NXT2: variants seen among roughly 807,000 people sequenced by gnomAD.
NXT2 encodes the protein nuclear transport factor 2 like export factor 2.
Under a neutral mutation model 9.6 loss-of-function variants are expected in NXT2, and 1 was observed. The ratio of observed to expected loss-of-function variants is 0.10; its 90% confidence interval spans 0.04 to 0.49. NXT2 has a LOEUF of 0.49. NXT2 is among the 20% of genes least tolerant of loss of function. The probability of loss-of-function intolerance (pLI) is 0.95; values close to 1 mark genes in which losing one functional copy is unlikely to be tolerated. For missense variants in NXT2, 48 were observed against 100.3 expected, an observed-to-expected ratio of 0.48 and a Z score of 2.23; for synonymous variants, 22 against 35.4, an observed-to-expected ratio of 0.62 and a Z score of 1.34.
At chrX:109,539,353 T>C (rs1332494118) in intron 2 of NXT2, among the ~76,000 whole-genome samples, 1 of 112,276 alleles carries the variant, frequency 8.9e-6, no homozygotes, top group Non-Finnish European at 1.9e-5. Context: ...TGTGTCTTTA[T>C]AGTAGAATCA....
At chrX:109,537,132 C>A in intron 1 of NXT2, 111 bp downstream of exon 1, 1 of 1,104,751 alleles carries the variant, frequency 9.1e-7, no homozygotes, top group Non-Finnish European at 1.2e-6. Context: ...CGAATCACGT[C>A]CCGGCTCTCT....
chrX:109,536,198 A>ATTAT (rs761340733), upstream of NXT2, among the ~76,000 whole-genome samples: 1,895 of 110,097 alleles, frequency 0.017, 56 homozygotes, highest in African/African-American at 0.058. Context: ...CAGCATTGTT[A>ATTAT]TAATAAGTGA....
At position 109,543,894 on chromosome X, in the gene NXT2, T is replaced by G. The variant is rs1312916922; in HGVS notation, c.*1206T>G. The G allele has an allele frequency of 3.6e-5, 4 of 112,473 alleles. No homozygotes were observed. Among genetic ancestry groups the G allele is most frequent in the Non-Finnish European group, 7.5e-5 (4 of 53,129 alleles). 9.3% of individuals were successfully genotyped at this position (112,473 alleles called of 1,213,427 possible). On this transcript the variant is annotated 3_prime_UTR_variant, in exon 4 of 4. Transcript: ENST00000372106. ...CAGTGCTTTGTACTGTCAACTGCAT[T>G]ATCTTTAATTATTTAAAGGTAGAAT...
chrX:109,540,312 C>CT (rs1277553349), intron 2 of NXT2, among the ~76,000 whole-genome samples: 1 of 109,129 alleles, frequency 9.2e-6, no homozygotes, highest in Non-Finnish European at 1.9e-5. Context: ...ATGTGTTGAC[C>CT]TTTTTTTTTA....
At chrX:109,538,716 C>T (rs1400486675) in intron 2 of NXT2, among the ~76,000 whole-genome samples, 1 of 111,109 alleles carries the variant, frequency 9.0e-6, no homozygotes, top group African/African-American at 3.3e-5. Context: ...ATATCTTTTA[C>T]GTAATTATGT....
At chrX:109,536,561 A>C, upstream of NXT2, 3 of 155,010 alleles carry the variant, frequency 1.9e-5, no homozygotes, top group Non-Finnish European at 3.8e-5. Flanking sequence ...AGGCTACGGA[A>C]TAGTAGGTCT....
At chrX:109,541,394 G>A (rs1396404495) in intron 2 of NXT2, 81 bp from the exon 3 acceptor site, 5 of 906,363 alleles carry the variant, frequency 5.5e-6, no homozygotes, top group Middle Eastern at 3.2e-4. Flanking sequence ...TATACCATCT[G>A]TAATATTTTA....
chrX:109,539,724 T>C (rs1259355816), intron 2 of NXT2, among the ~76,000 whole-genome samples: 1 of 112,171 alleles, frequency 8.9e-6, no homozygotes, highest in African/African-American at 3.2e-5. Flanking sequence ...TGTTTTTTCT[T>C]GTAAATTTGT....
At chrX:109,542,391 AGT>A (rs1007776159) in intron 3 of NXT2, 114 bp from the exon 4 acceptor site, 1 of 538,738 alleles carries the variant, frequency 1.9e-6, no homozygotes, top group Non-Finnish European at 2.8e-6. Flanking sequence ...AGGGACAGAA[AGT>A]GTATGAAAAA....
chrX:109,541,306 A>T (rs1337376097), intron 2 of NXT2, among the ~76,000 whole-genome samples, 169 bp from the exon 3 acceptor site: 1 of 112,188 alleles, frequency 8.9e-6, no homozygotes, highest in Non-Finnish European at 1.9e-5. Context: ...TATAAGACAG[A>T]CGTTTTGTTC....
intron 2 of NXT2, among the ~76,000 whole-genome samples, chrX:109,539,662 T>A (rs1933370034): frequency 9.0e-6 from 1 of 110,835 alleles, no homozygotes; most frequent in Non-Finnish European, 1.9e-5. Context: ...GCTGGCCACT[T>A]CTTCTTTTGA....
At chrX:109,542,065 T>G (rs1933429168) in intron 3 of NXT2, among the ~76,000 whole-genome samples, 1 of 111,751 alleles carries the variant, frequency 8.9e-6, no homozygotes, top group South Asian at 3.7e-4. Context: ...TCCAGGTAGA[T>G]TGATACAGTT....
Position 109,544,548 on chromosome X carries a change from T to G in NXT2, c.*1860T>G, listed in dbSNP as rs1933489140. 8.9e-6 allele frequency: 1 copy of G among 112,764 alleles called. No individual in the cohort carries two copies. The highest frequency in any genetic ancestry group is 3.2e-5 in the African/African-American group (1 of 31,048). The allele number at this position is 112,764 out of a possible 1,213,427, so 9.3% of individuals were successfully genotyped here. On this transcript the variant is annotated 3_prime_UTR_variant, in exon 4 of 4. Coordinates refer to ENST00000372106, the MANE Select transcript of NXT2 (RefSeq NM_001242617.2). ...GTGCATTGTTCATGATTGTTGTGTT[T>G]TAAGACTTGTATATAAACTGCTTTT...
intron 3 of NXT2, among the ~76,000 whole-genome samples, chrX:109,542,115 G>A (rs1250472341): frequency 9.0e-6 from 1 of 111,419 alleles, no homozygotes; most frequent in Admixed American, 9.6e-5. Context: ...GTCTTAAATT[G>A]TAGTTCAGGG....
In NXT2 at chrX:109,539,099, A is replaced by G. The variant is rs1328059435; in HGVS notation, c.102+968A>G. On this transcript the variant is annotated intron_variant, in intron 2 of 3. Coordinates refer to ENST00000372106, the MANE Select transcript of NXT2 (RefSeq NM_001242617.2). ...CATGTGTTCTCATTATTCAACTCCT[A>G]CTTATGAGTGAAAACATAACTGTGT... Among the ~76,000 whole-genome samples the G allele has an allele frequency of 2.7e-5, 3 of 110,919 alleles. No individual in the cohort carries two copies. The Admixed American group carries it at 2.9e-4, about 11-fold the overall frequency.
rs377649567 is a variant in NXT2, at chrX:109,536,909, C to G, written c.-98C>G. On this transcript the variant is annotated 5_prime_UTR_variant, in exon 1 of 4. Coordinates refer to ENST00000372106, the MANE Select transcript of NXT2 (RefSeq NM_001242617.2). ...TTTTGTGCGTTTGGCGGGTTTCGCT[C>G]TCTTCATAAGTATTGATCATTCCGC... 69 of 1,201,993 alleles carry G rather than the reference C, an allele frequency of 5.7e-5. No individual in the cohort carries two copies. In the Middle Eastern group the frequency reaches 1.6e-3, roughly 28 times the overall value.
chrX:109,536,010 T>G, upstream of NXT2: 1 of 1,094,484 alleles, frequency 9.1e-7, no homozygotes, highest in Non-Finnish European at 1.2e-6. Context: ...ATTTGCCATT[T>G]AAATCAGAAG....
upstream of NXT2, chrX:109,536,775 T>G: frequency 4.2e-6 from 4 of 963,139 alleles, no homozygotes; most frequent in Non-Finnish European, 5.5e-6. Context: ...ATAAGGTGGA[T>G]GGGAGGGATC....
chrX:109,537,369 T>C lies in NXT2; in HGVS notation c.15+348T>C, dbSNP rs144293868. On this transcript the variant is annotated intron_variant, in intron 1 of 3. Coordinates refer to ENST00000372106, the MANE Select transcript of NXT2 (RefSeq NM_001242617.2). ...CAAAGAAACTGGCGATTCATTGTTC[T>C]TAATTTAGTAATAGACTGGGCCCCG... The C allele has an allele frequency of 7.7e-4, 642 of 834,413 alleles. 1 individual carries two copies. In the African/African-American group the frequency reaches 0.013, roughly 17 times the overall value. The allele number at this position is 834,413 out of a possible 1,213,427, so 68.8% of individuals were successfully genotyped here. A position where few individuals can be genotyped will look rare whatever the true frequency, so the allele number is the denominator to read the frequency against.
Sources: allele counts gnomAD v4.1 joint callset (sites outside exome capture counted in the v4.1 genomes callset), GRCh38; gene constraint gnomAD v4.1.1; transcripts MANE v1.5; gene names NCBI Gene and HGNC (gene_info 2026-07-23, HGNC 2026-07-21).